TMED3: variants seen among roughly 807,000 people sequenced by gnomAD.
The protein encoded by TMED3 is transmembrane emp24 domain-containing protein 3.
In TMED3, 9 loss-of-function variants were observed where a neutral mutation model predicts 15.0. The observed-to-expected ratio is 0.60, with a 90% CI of 0.36 to 1.04. The LOEUF (loss-of-function observed/expected upper bound fraction) is 1.04. TMED3 is among the 50% of genes least tolerant of loss of function. The pLI is 0.01. For missense variants in TMED3, 267 were observed against 278.9 expected, an observed-to-expected ratio of 0.96 and a Z score of 0.30; for synonymous variants, 117 against 121.4, an observed-to-expected ratio of 0.96 and a Z score of 0.24.
intron 2 of TMED3, among the ~76,000 whole-genome samples, chr15:79,372,285 C>T (rs1164237282): frequency 6.6e-6 from 1 of 152,132 alleles, no homozygotes; most frequent in Non-Finnish European, 1.5e-5. Context: ...TGGGATGATG[C>T]AGGTAAAGAG....
At position 79,311,393 on chromosome 15, in the gene TMED3, C is replaced by T. The variant is rs374337632; in HGVS notation, c.144C>T (p.Gly48=). 1 of 1,611,410 alleles carries T rather than the reference C, an allele frequency of 6.2e-7. No individual in the cohort carries two copies. The highest frequency in any genetic ancestry group is 1.7e-5 in the Admixed American group (1 of 59,892). Residue 48 remains glycine, a synonymous_variant, in exon 1 of 3, where the codon GGC becomes GGT. Coordinates refer to ENST00000299705, the MANE Select transcript of TMED3 (RefSeq NM_007364.4). ...GCTTCCACGAGGAGGTGGAGCAGGG[C>T]GTGAAGTTCTCCCTGGATTACCAGG... ...KQCFHEEVEQ[G]VKFSLDYQVI...
intron 2 of TMED3, among the ~76,000 whole-genome samples, chr15:79,392,342 G>A (rs1033871409): frequency 1.3e-5 from 2 of 152,128 alleles, no homozygotes; most frequent in East Asian, 3.9e-4. Flanking sequence ...GAAAAAGACT[G>A]TATCTTTCCT....
intron 2 of TMED3, among the ~76,000 whole-genome samples, chr15:79,360,389 G>A (rs753670351): frequency 1.3e-5 from 2 of 152,196 alleles, no homozygotes; most frequent in Non-Finnish European, 2.9e-5. Flanking sequence ...AGGTGGGGAA[G>A]CACTCTTCAG....
intron 2 of TMED3, among the ~76,000 whole-genome samples, chr15:79,374,279 T>A (rs1893391242): frequency 6.6e-6 from 1 of 152,202 alleles, no homozygotes; most frequent in Non-Finnish European, 1.5e-5. Flanking sequence ...AGAGACTGTT[T>A]TGTCAGTCTT....
At chr15:79,348,961 C>T (rs1007120384) in intron 2 of TMED3, among the ~76,000 whole-genome samples, 17 of 152,180 alleles carry the variant, frequency 1.1e-4, no homozygotes, top group Non-Finnish European at 1.9e-4. Flanking sequence ...CCTCCCCCAC[C>T]CCCAGTAGAT....
At chr15:79,363,375 A>G (rs944238719) in intron 2 of TMED3, among the ~76,000 whole-genome samples, 1 of 152,214 alleles carries the variant, frequency 6.6e-6, no homozygotes, top group Non-Finnish European at 1.5e-5. Flanking sequence ...AATATAAAAA[A>G]TGACAAACAG....
At chr15:79,353,933 C>T (rs1168039934) in intron 2 of TMED3, among the ~76,000 whole-genome samples, 1 of 152,100 alleles carries the variant, frequency 6.6e-6, no homozygotes, top group African/African-American at 2.4e-5. Flanking sequence ...CCCCTAGAAT[C>T]CTTGTCTAGA....
intron 2 of TMED3, among the ~76,000 whole-genome samples, chr15:79,402,840 G>C (rs547078930): frequency 2.6e-5 from 4 of 151,918 alleles, no homozygotes; most frequent in Non-Finnish European, 4.4e-5. Context: ...AGGAGGTAAA[G>C]CATAAGAGAT....
intron 2 of TMED3, chr15:79,383,159 T>C: frequency 1.3e-6 from 1 of 763,482 alleles, no homozygotes; most frequent in Non-Finnish European, 2.2e-6. Context: ...TTGTCCACTC[T>C]CACCTGCACC....
intron 2 of TMED3, among the ~76,000 whole-genome samples, chr15:79,352,154 G>A (rs1211475577): frequency 1.3e-5 from 2 of 151,972 alleles, no homozygotes; most frequent in African/African-American, 4.8e-5. Flanking sequence ...CAAAATATCA[G>A]AAATCACCAC....
At chr15:79,400,369 T>C (rs2141256967) in intron 2 of TMED3, among the ~76,000 whole-genome samples, 1 of 152,334 alleles carries the variant, frequency 6.6e-6, no homozygotes, top group Non-Finnish European at 1.5e-5. Context: ...TGTATTTAAT[T>C]ATCTCTTGTC....
chr15:79,352,068 GA>G (rs1348106332), intron 2 of TMED3, among the ~76,000 whole-genome samples: 3 of 148,480 alleles, frequency 2.0e-5, no homozygotes, highest in African/African-American at 7.4e-5. Context: ...GACTCGGGGG[GA>G]AAGAGTAGGA....
chr15:79,407,347 C>T (rs1595913169), intron 2 of TMED3, among the ~76,000 whole-genome samples: 1 of 152,124 alleles, frequency 6.6e-6, no homozygotes, highest in African/African-American at 2.4e-5. Flanking sequence ...CCTTTCCCTG[C>T]CCCAAACCTT....
intron 1 of TMED3, among the ~76,000 whole-genome samples, chr15:79,313,495 T>C (rs980623911): frequency 8.5e-5 from 13 of 152,208 alleles, no homozygotes; most frequent in Admixed American, 6.5e-4. Context: ...ATTAGGCTCA[T>C]TGAAACCCTG....
rs201417952 is a variant in TMED3, at chr15:79,343,705, C to A, written c.417+29700C>A. 4.6e-5 allele frequency among the ~76,000 whole-genome samples: 7 copies of A among 152,064 alleles called. No individual in the cohort carries two copies. The East Asian group carries it at 1.4e-3, about 29-fold the overall frequency. ...CAGACATGACAATGGATTCAACCAA[C>A]TGGAGAGGTGAAGGATGTGGGACAG... On this transcript the variant is annotated intron_variant, in intron 2 of 2. Transcript: ENST00000424155.
intron 2 of TMED3, among the ~76,000 whole-genome samples, chr15:79,399,118 C>T (rs11857268): frequency 0.3 from 46,315 of 151,984 alleles, 8,572 homozygotes; most frequent in Middle Eastern, 0.5. Flanking sequence ...ACCATGTTGG[C>T]CAGGCTGGTC....
intron 2 of TMED3, among the ~76,000 whole-genome samples, chr15:79,387,219 T>G (rs77476439): frequency 6.6e-6 from 1 of 152,320 alleles, no homozygotes; most frequent in East Asian, 1.9e-4. Flanking sequence ...CCTGGATTGT[T>G]TTTAGTGTTT....
At chr15:79,339,178 C>G (rs938828381) in intron 2 of TMED3, among the ~76,000 whole-genome samples, 2 of 152,238 alleles carry the variant, frequency 1.3e-5, no homozygotes, top group African/African-American at 4.8e-5. Context: ...CTCTCTCTCT[C>G]TGCCTCAGCT....
At chr15:79,353,761 A>G (rs778263218) in intron 2 of TMED3, among the ~76,000 whole-genome samples, 3 of 149,840 alleles carry the variant, frequency 2.0e-5, no homozygotes, top group Non-Finnish European at 4.5e-5. Context: ...TTATTGTGTT[A>G]TTAAAAAAAA....
Sources: allele counts gnomAD v4.1 joint callset (sites outside exome capture counted in the v4.1 genomes callset), GRCh38; gene constraint gnomAD v4.1.1; transcripts MANE v1.5; gene names NCBI Gene and HGNC (gene_info 2026-07-23, HGNC 2026-07-21).